OLFM4: variants seen among roughly 807,000 people sequenced by gnomAD.
The protein encoded by OLFM4 is olfactomedin-4.
A neutral mutation model predicts 25.5 loss-of-function variants in OLFM4; 22 were observed. The ratio of observed to expected loss-of-function variants is 0.86; its 90% CI spans 0.62 to 1.23. OLFM4 has a LOEUF of 1.23. Among genes scored for constraint, OLFM4 ranks in the 50% most tolerant of loss-of-function variants. OLFM4 has a pLI of 0.00. For synonymous variants in OLFM4, 255 were observed against 237.7 expected, an observed-to-expected ratio of 1.07 and a Z score of -0.67; for missense variants, 594 against 619.4, an observed-to-expected ratio of 0.96 and a Z score of 0.44.
Position 53,050,711 on chromosome 13 carries a change from T to A in OLFM4, c.1473T>A (p.Tyr491Ter), listed in dbSNP as rs1427461959. Residue 491 changes from tyrosine (Y) to a stop codon, truncating the protein, a stop_gained, in exon 5 of 5, where the codon TAT (tyrosine) becomes TAA (stop). Coordinates refer to ENST00000219022, the MANE Select transcript of OLFM4 (RefSeq NM_006418.5). LOFTEE classifies it high-confidence loss of function. ...INYNPFDQKL[Y>*]VYNDGYLLNY... ...ATAACCCTTTTGACCAGAAACTTTATGTCTATAACGATGGTTACCTTCTGA... is the reference window on the plus strand; with the variant it reads ...ATAACCCTTTTGACCAGAAACTTTAAGTCTATAACGATGGTTACCTTCTGA... 1 of 1,612,754 alleles carries A rather than the reference T, an allele frequency of 6.2e-7. No homozygotes were observed. Among genetic ancestry groups the A allele is most frequent in the African/African-American group, 1.3e-5 (1 of 74,878 alleles).
At chr13:53,031,530 G>C (rs947878300) in intron 1 of OLFM4, among the ~76,000 whole-genome samples, 1 of 152,130 alleles carries the variant, frequency 6.6e-6, no homozygotes, top group African/African-American at 2.4e-5. Context: ...GCCTCTGCAG[G>C]GTCCTCAATT....
At chr13:53,042,234 C>A in intron 3 of OLFM4, 112 bp downstream of exon 3, 1 of 896,494 alleles carries the variant, frequency 1.1e-6, no homozygotes, top group Middle Eastern at 2.3e-4. Context: ...TAATTCTCTA[C>A]TGTCTCATGG....
chr13:53,042,845 T>C (rs1360021752), intron 3 of OLFM4, among the ~76,000 whole-genome samples: 2 of 152,232 alleles, frequency 1.3e-5, no homozygotes, highest in Non-Finnish European at 2.9e-5. Flanking sequence ...TGGACATTTG[T>C]GGATGCTGAG....
At chr13:53,032,810 T>C (rs1342046967) in intron 1 of OLFM4, among the ~76,000 whole-genome samples, 1 of 152,102 alleles carries the variant, frequency 6.6e-6, no homozygotes, top group Non-Finnish European at 1.5e-5. Context: ...AGGCCAGTGA[T>C]AAAATAAGTC....
At position 53,050,848 on chromosome 13, in the gene OLFM4, G is replaced by A. The variant is rs1954744840; in HGVS notation, c.*77G>A. Reference sequence around the variant, plus strand: ...TCTCCACTTACTTAGATATCTGCAGGGGTGTCTAAAAGTGTGTTCATTTTG... The same window carrying A: ...TCTCCACTTACTTAGATATCTGCAGAGGTGTCTAAAAGTGTGTTCATTTTG... On this transcript the variant is annotated 3_prime_UTR_variant, in exon 5 of 5. Coordinates refer to ENST00000219022, the MANE Select transcript of OLFM4 (RefSeq NM_006418.5). The A allele has an allele frequency of 1.6e-6, 2 of 1,281,790 alleles. No homozygotes were observed. The allele number at this position is 1,281,790 out of a possible 1,614,324, so 79.4% of individuals were successfully genotyped here. A position where few individuals can be genotyped will look rare whatever the true frequency, so the allele number is the denominator to read the frequency against.
intron 2 of OLFM4, among the ~76,000 whole-genome samples, chr13:53,037,252 T>C (rs1394080013): frequency 6.6e-6 from 1 of 152,216 alleles, no homozygotes; most frequent in Non-Finnish European, 1.5e-5. Context: ...TTACGGTATG[T>C]CCTTTTGTGA....
chr13:53,029,892 A>G (rs1040800324), intron 1 of OLFM4, among the ~76,000 whole-genome samples: 1 of 152,164 alleles, frequency 6.6e-6, no homozygotes, highest in Non-Finnish European at 1.5e-5. Flanking sequence ...AATGGGCTGG[A>G]GGGCATGAGA....
intron 2 of OLFM4, among the ~76,000 whole-genome samples, chr13:53,036,706 TAAC>T (rs570159742): frequency 1.4e-4 from 21 of 152,340 alleles, no homozygotes; most frequent in Admixed American, 7.2e-4. Context: ...CAGGTGATAA[TAAC>T]AACAATAATA....
chr13:53,040,626 C>G (rs1954682175), intron 2 of OLFM4, among the ~76,000 whole-genome samples: 1 of 152,188 alleles, frequency 6.6e-6, no homozygotes, highest in Non-Finnish European at 1.5e-5. Context: ...TTTTGGTTAT[C>G]ATAACTGGAG....
At chr13:53,042,154 A>AT (rs1330922188) in intron 3 of OLFM4, 32 bp downstream of exon 3, 2 of 1,580,106 alleles carry the variant, frequency 1.3e-6, no homozygotes, top group Non-Finnish European at 1.7e-6. Flanking sequence ...TGGTAAATTA[A>AT]TAATAAACTC....
intron 2 of OLFM4, among the ~76,000 whole-genome samples, chr13:53,037,908 T>C (rs1196769497): frequency 2.0e-5 from 3 of 152,234 alleles, no homozygotes; most frequent in African/African-American, 7.2e-5. Context: ...TACACCCTTA[T>C]TTATTACAAG....
intron 2 of OLFM4, among the ~76,000 whole-genome samples, chr13:53,039,905 G>A (rs536611197): frequency 6.6e-6 from 1 of 152,172 alleles, no homozygotes; most frequent in East Asian, 1.9e-4. Flanking sequence ...TCAGGTCTGT[G>A]GTCTATGAGT....
chr13:53,051,358 A>G lies in OLFM4; in HGVS notation c.*587A>G, dbSNP rs1311453536. 6.6e-6 allele frequency: 1 copy of G among 152,126 alleles called. No individual in the cohort carries two copies. Among genetic ancestry groups the G allele is most frequent in the Non-Finnish European group, 1.5e-5 (1 of 68,022 alleles). 9.4% of individuals were successfully genotyped at this position (152,126 alleles called of 1,614,324 possible). On this transcript the variant is annotated 3_prime_UTR_variant, in exon 5 of 5. Transcript: ENST00000219022. ...ATCTGTAAAGTGCTGAGTTTTATGG[A>G]GAGAGGCCTTTTTATGCATTAAATT...
chr13:53,032,606 T>A (rs1954634973), intron 1 of OLFM4, among the ~76,000 whole-genome samples: 1 of 152,100 alleles, frequency 6.6e-6, no homozygotes, highest in Admixed American at 6.5e-5. Context: ...ATCTGCTTGT[T>A]TCTCCTCCCT....
Position 53,036,210 on chromosome 13 carries a change from G to A in OLFM4, c.357+1710G>A, listed in dbSNP as rs146645569. Among the ~76,000 whole-genome samples, 7 of 152,310 alleles carry A rather than the reference G, an allele frequency of 4.6e-5. No individual in the cohort carries two copies. The East Asian group carries it at 1.3e-3, about 29-fold the overall frequency. On this transcript the variant is annotated intron_variant, in intron 2 of 4. Transcript: ENST00000219022. Reference sequence around the variant, plus strand: ...AACCTAGCTGCTTAAGAAATATAATGTCCTTGAATTAATCAGTGGAAAAGG... The same window carrying A: ...AACCTAGCTGCTTAAGAAATATAATATCCTTGAATTAATCAGTGGAAAAGG...
At chr13:53,033,780 G>T (rs1427589859) in intron 1 of OLFM4, among the ~76,000 whole-genome samples, 1 of 152,096 alleles carries the variant, frequency 6.6e-6, no homozygotes, top group African/African-American at 2.4e-5. Context: ...CTCCAGAATG[G>T]CCGGGCGCGG....
intron 4 of OLFM4, 31 bp downstream of exon 4, chr13:53,043,295 G>A: frequency 1.3e-6 from 2 of 1,555,816 alleles, no homozygotes; most frequent in East Asian, 2.3e-5. Context: ...AACCACTTGT[G>A]CCAGACCCCA....
At chr13:53,041,097 T>G (rs1389454657) in intron 2 of OLFM4, among the ~76,000 whole-genome samples, 1 of 152,116 alleles carries the variant, frequency 6.6e-6, no homozygotes, top group Non-Finnish European at 1.5e-5. Flanking sequence ...GAACTATTAT[T>G]CAACCTAGCA....
At chr13:53,049,475 ATCT>A (rs1384086793) in intron 4 of OLFM4, among the ~76,000 whole-genome samples, 2 of 152,094 alleles carry the variant, frequency 1.3e-5, no homozygotes, top group Non-Finnish European at 2.9e-5. Context: ...GCCTGGGAAA[ATCT>A]TCTCCCTCAT....
Sources: allele counts gnomAD v4.1 joint callset (sites outside exome capture counted in the v4.1 genomes callset), GRCh38; gene constraint gnomAD v4.1.1; transcripts MANE v1.5; gene names NCBI Gene and HGNC (gene_info 2026-07-23, HGNC 2026-07-21).